ATP6V1H: variants seen among roughly 807,000 people sequenced by gnomAD.
ATP6V1H encodes ATPase H+ transporting V1 subunit H.
ATP6V1H carries 39 observed loss-of-function variants against 71.7 expected under a neutral mutation model. The ratio of observed to expected loss-of-function variants is 0.54; its 90% CI spans 0.42 to 0.71. The LOEUF is 0.71. ATP6V1H is among the 30% of genes least tolerant of loss of function. The probability of loss-of-function intolerance (pLI) is 0.00; values close to 1 mark genes in which losing one functional copy is unlikely to be tolerated. For synonymous variants in ATP6V1H, 192 were observed against 199.3 expected (o/e 0.96, Z 0.31); for missense variants, 509 against 594.9 (o/e 0.86, Z 1.50).
chr8:53,799,715 G>A (rs1809848871), intron 8 of ATP6V1H, among the ~76,000 whole-genome samples: 1 of 152,120 alleles, frequency 6.6e-6, no homozygotes, highest in South Asian at 2.1e-4. Context: ...ATTAGGAGGT[G>A]GGGCCTTTGG....
At chr8:53,759,484 C>T (rs939524604) in intron 11 of ATP6V1H, among the ~76,000 whole-genome samples, 1 of 152,190 alleles carries the variant, frequency 6.6e-6, no homozygotes, top group Non-Finnish European at 1.5e-5. Flanking sequence ...ACGTTAACCA[C>T]AACCCATGAT....
chr8:53,838,028 C>T (rs1290782550), intron 2 of ATP6V1H, among the ~76,000 whole-genome samples: 1 of 152,024 alleles, frequency 6.6e-6, no homozygotes, highest in Non-Finnish European at 1.5e-5. Context: ...CCTGAAGCTC[C>T]CAAGCACTGC....
At chr8:53,808,640 C>T (rs911436741) in intron 7 of ATP6V1H, among the ~76,000 whole-genome samples, 6 of 151,830 alleles carry the variant, frequency 4.0e-5, no homozygotes, top group African/African-American at 7.3e-5. Context: ...CATGGTGGCT[C>T]GTGCTTGTAG....
At chr8:53,738,607 A>G (rs759552384) in intron 13 of ATP6V1H, among the ~76,000 whole-genome samples, 26 of 152,228 alleles carry the variant, frequency 1.7e-4, no homozygotes, top group Admixed American at 4.6e-4. Flanking sequence ...CCTATGTGTG[A>G]AACCTGTAAT....
At chr8:53,758,273 AT>A (rs1808143518) in intron 11 of ATP6V1H, among the ~76,000 whole-genome samples, 1 of 152,188 alleles carries the variant, frequency 6.6e-6, no homozygotes. Context: ...ATTTTATGAA[AT>A]TATAAGCAAA....
At chr8:53,727,980 C>T (rs1268521428) in intron 13 of ATP6V1H, among the ~76,000 whole-genome samples, 1 of 152,152 alleles carries the variant, frequency 6.6e-6, no homozygotes, top group Non-Finnish European at 1.5e-5. Flanking sequence ...ACTAAAAAAA[C>T]TGGTCTTCTT....
chr8:53,813,751 C>T (rs1810358400), intron 6 of ATP6V1H, among the ~76,000 whole-genome samples: 1 of 152,140 alleles, frequency 6.6e-6, no homozygotes, highest in African/African-American at 2.4e-5. Flanking sequence ...TGTCATTTTC[C>T]AAGGCATTAC....
At chr8:53,758,663 C>T (rs1240202012) in intron 11 of ATP6V1H, among the ~76,000 whole-genome samples, 1 of 152,192 alleles carries the variant, frequency 6.6e-6, no homozygotes, top group Non-Finnish European at 1.5e-5. Context: ...AAGCTTTGAG[C>T]TTGAACAATC....
chr8:53,739,915 C>T (rs577811949), intron 13 of ATP6V1H, among the ~76,000 whole-genome samples: 2 of 152,222 alleles, frequency 1.3e-5, no homozygotes, highest in African/African-American at 4.8e-5. Context: ...TCCCCAGCAA[C>T]TCTATTCCTC....
At position 53,766,390 on chromosome 8, in the gene ATP6V1H, G is replaced by A. The variant is rs180936193; in HGVS notation, c.1175+3228C>T. 3.2e-3 allele frequency among the ~76,000 whole-genome samples: 482 copies of A among 152,214 alleles called. 3 individuals carry two copies. The highest frequency in any genetic ancestry group is 0.011 in the African/African-American group (448 of 41,510). ...CTGTCAGTTGAGGAGGATGTATATCGTCTCAGGACCCTGTAATAATTACGT... is the reference window on the plus strand; with the variant it reads ...CTGTCAGTTGAGGAGGATGTATATCATCTCAGGACCCTGTAATAATTACGT... On this transcript the variant is annotated intron_variant, in intron 11 of 13. Transcript: ENST00000359530.
intron 7 of ATP6V1H, among the ~76,000 whole-genome samples, chr8:53,805,582 G>A (rs561715306): frequency 6.6e-6 from 1 of 152,044 alleles, no homozygotes. Flanking sequence ...CACACAAACT[G>A]AAAAAACAGG....
In ATP6V1H at chr8:53,788,707, T is replaced by G. The variant is rs569319271; in HGVS notation, c.870+6940A>C. Reference sequence around the variant, plus strand: ...AAGCCACTCTCCCAACACTAAACAATCAAGTGCTGGAATTCACACCTAGGT... The same window carrying G: ...AAGCCACTCTCCCAACACTAAACAAGCAAGTGCTGGAATTCACACCTAGGT... On this transcript the variant is annotated intron_variant, in intron 9 of 13. Coordinates refer to ENST00000359530, the MANE Select transcript of ATP6V1H (RefSeq NM_015941.4). Among the ~76,000 whole-genome samples, 8 of 152,260 alleles carry G rather than the reference T, an allele frequency of 5.3e-5. 1 individual carries two copies. The South Asian group carries it at 1.7e-3, about 32-fold the overall frequency.
Position 53,756,568 on chromosome 8 carries a change from G to T in ATP6V1H, c.1264C>A (p.Pro422Thr), listed in dbSNP as rs965516730. The T allele has an allele frequency of 2.5e-6, 4 of 1,613,558 alleles. No homozygotes were observed. The highest frequency in any genetic ancestry group is 3.4e-6 in the Non-Finnish European group (4 of 1,179,610). The stretch of plus-strand genomic sequence containing the variant: ...GCTTTCTCTTACCGTTTGCCTCGTG[G>T]ATAATGCCGCACATATTCTCCAACA... ...HDVGEYVRHY[P>T]RGKRVIEQLG... The change falls in exon 12 of 14, where the codon CCA (proline) becomes ACA (threonine). Residue 422 changes from proline (P) to threonine (T), a missense_variant. Pro to Thr is a conservative substitution (Grantham distance 38). Around this residue, in one of 2 missense-constraint regions of ATP6V1H, gnomAD observed 212 missense variants for 291.6 expected, o/e 0.73. Transcript: ENST00000359530.
In ATP6V1H at chr8:53,829,654, C is replaced by G. The variant is rs111543790; in HGVS notation, c.217-121G>C. On this transcript the variant is annotated intron_variant, in intron 3 of 13. Transcript: ENST00000359530. ...ATACAAATATTACTAACAAATTTTACTTACAGAAAACATATACCTTTTATA... is the reference window on the plus strand; with the variant it reads ...ATACAAATATTACTAACAAATTTTAGTTACAGAAAACATATACCTTTTATA... 27 of 607,868 alleles carry G rather than the reference C, an allele frequency of 4.4e-5. 1 individual carries two copies. The highest frequency in any genetic ancestry group is 3.8e-4 in the African/African-American group (20 of 53,078). The allele number at this position is 607,868 out of a possible 1,614,324, so 37.7% of individuals were successfully genotyped here.
At chr8:53,824,730 T>C (rs1417128729) in intron 4 of ATP6V1H, among the ~76,000 whole-genome samples, 1 of 152,056 alleles carries the variant, frequency 6.6e-6, no homozygotes, top group Non-Finnish European at 1.5e-5. Flanking sequence ...CAAGTTCTTA[T>C]AAGCCATAAG....
intron 12 of ATP6V1H, among the ~76,000 whole-genome samples, chr8:53,748,695 T>C (rs1034414061): frequency 2.0e-5 from 3 of 152,254 alleles, no homozygotes; most frequent in African/African-American, 7.2e-5. Flanking sequence ...ATACTATATA[T>C]GCATGGGGAA....
Sources: allele counts gnomAD v4.1 joint callset (sites outside exome capture counted in the v4.1 genomes callset), GRCh38; gene constraint gnomAD v4.1.1; regional missense constraint gnomAD v4.1.1; transcripts MANE v1.5; gene names NCBI Gene and HGNC (gene_info 2026-07-23, HGNC 2026-07-21).